PIK3R5: variants seen among roughly 807,000 people sequenced by gnomAD.
The protein encoded by PIK3R5 is phosphoinositide 3-kinase regulatory subunit 5.
A neutral mutation model predicts 94.9 loss-of-function variants in PIK3R5; 32 were observed. The ratio of observed to expected loss-of-function variants is 0.34; its 90% CI spans 0.25 to 0.45. The LOEUF (loss-of-function observed/expected upper bound fraction) is 0.45, where lower values mean the gene tolerates loss of function less well. PIK3R5 is among the 20% of genes least tolerant of loss of function. The pLI is 1.00. For missense variants in PIK3R5, 853 were observed against 1,144.6 expected, an observed-to-expected ratio of 0.75 and a Z score of 3.68; for synonymous variants, 443 against 479.4, an observed-to-expected ratio of 0.92 and a Z score of 0.99.
At chr17:8,943,862 G>A (rs1274156968) in intron 1 of PIK3R5, among the ~76,000 whole-genome samples, 1 of 149,882 alleles carries the variant, frequency 6.7e-6, no homozygotes, top group Non-Finnish European at 1.5e-5. Flanking sequence ...AACATTGTCT[G>A]CTGTACCCTA....
At chr17:8,894,297 T>C (rs955655252) in intron 5 of PIK3R5, among the ~76,000 whole-genome samples, 4 of 152,216 alleles carry the variant, frequency 2.6e-5, no homozygotes, top group Non-Finnish European at 5.9e-5. Context: ...GGGCTACTCC[T>C]CGGTCCCTGC....
chr17:8,915,119 CA>C (rs141850297), intron 1 of PIK3R5, among the ~76,000 whole-genome samples: 6,002 of 152,280 alleles, frequency 0.039, 172 homozygotes, highest in Non-Finnish European at 0.055. Flanking sequence ...TCTACTTCAA[CA>C]AGTGAAGACT....
chr17:8,880,470 CCT>C lies in PIK3R5; in HGVS notation c.*167_*168del. 1 of 607,164 alleles carries C rather than the reference CCT, an allele frequency of 1.6e-6. No individual in the cohort carries two copies. The highest frequency in any genetic ancestry group is 1.8e-5 in the African/African-American group (1 of 54,114). 37.6% of individuals were successfully genotyped at this position (607,164 alleles called of 1,614,324 possible). A position where few individuals can be genotyped will look rare whatever the true frequency, so the allele number is the denominator to read the frequency against. ...CTGATAGCTGTTGCTTTCCCAGAAC[CCT>C]GAGGCCCCAGAAACCCTCTACTCCC... On this transcript the variant is annotated 3_prime_UTR_variant, in exon 19 of 19. Transcript: ENST00000447110.
chr17:8,922,246 C>T lies in PIK3R5; in HGVS notation c.-13-10739G>A, dbSNP rs562236112. Among the ~76,000 whole-genome samples the T allele has an allele frequency of 1.8e-4, 28 of 152,010 alleles. No individual in the cohort carries two copies. The East Asian group carries it at 2.5e-3, about 14-fold the overall frequency. The stretch of plus-strand genomic sequence containing the variant: ...GATCTGTGTCAGGTACTATGTTGGG[C>T]GCTTTCACTTAGTTTGATAATCATA... On this transcript the variant is annotated intron_variant, in intron 1 of 18. Transcript: ENST00000447110.
chr17:8,880,931 C>T lies in PIK3R5; in HGVS notation c.2469G>A (p.Glu823=). Residue 823 remains glutamate (E), a synonymous_variant, in exon 18 of 19, where the codon GAG becomes GAA. Coordinates refer to ENST00000447110, the MANE Select transcript of PIK3R5 (RefSeq NM_001142633.3). The part of the protein sequence containing the change: ...CPFAVCLDQD[E]RKILQSVVRC... ...TGACTACACTCTGCAGGATCTTTCT[C>T]TCATCCTGGTCCAGGCACACAGCAA... The T allele has an allele frequency of 1.2e-6, 2 of 1,614,128 alleles. No individual in the cohort carries two copies. The highest frequency in any genetic ancestry group is 8.5e-7 in the Non-Finnish European group (1 of 1,179,954).
chr17:8,941,778 T>G (rs1446502919), intron 1 of PIK3R5, among the ~76,000 whole-genome samples: 1 of 152,236 alleles, frequency 6.6e-6, no homozygotes. Context: ...GCTTGCGGCC[T>G]GTGGATATCA....
rs145440422 is a variant in PIK3R5 at position 8,889,585 on chromosome 17, C to T, written c.812-363G>A. ...GGTTCCTCAAAGTCTGTGCTCCCTT[C>T]TATGGTACTGGAGTCATAGAGACGA... is the stretch of plus-strand genomic sequence containing the variant. On this transcript the variant is annotated intron_variant, in intron 8 of 18. Transcript: ENST00000447110. The surrounding 1 kb of genome is among the most constrained non-coding windows in gnomAD (Gnocchi z 4.1). Among the ~76,000 whole-genome samples the T allele has an allele frequency of 6.6e-6, 1 of 152,300 alleles. No homozygotes were observed.
intron 3 of PIK3R5, 69 bp downstream of exon 3, chr17:8,908,998 ATGTTCTC>A: frequency 1.1e-6 from 1 of 897,338 alleles, no homozygotes; most frequent in South Asian, 1.5e-5. Flanking sequence ...CCCAGGAATG[ATGTTCTC>A]TGGGACCTAT....
At chr17:8,914,675 A>G (rs1296603744) in intron 1 of PIK3R5, among the ~76,000 whole-genome samples, 2 of 152,174 alleles carry the variant, frequency 1.3e-5, no homozygotes, top group African/African-American at 2.4e-5. Flanking sequence ...CTATCTACTC[A>G]GCCGGCAAAC....
chr17:8,952,496 A>G (rs2091393402), intron 1 of PIK3R5, among the ~76,000 whole-genome samples: 1 of 152,200 alleles, frequency 6.6e-6, no homozygotes, highest in Non-Finnish European at 1.5e-5. Context: ...GGTTTTCTAC[A>G]TGGAGTCCCC....
Position 8,945,979 on chromosome 17 carries a change from T to C in PIK3R5, c.-14+19617A>G, listed in dbSNP as rs2091264017. On this transcript the variant is annotated intron_variant, in intron 1 of 18. Transcript: ENST00000447110. The surrounding 1 kb of genome is among the most constrained non-coding windows in gnomAD (Gnocchi z 4.0). ...CCAAACCACATGGAGAGGCCCCTTG[T>C]AGGCATTCTCATTTACAGTTTCAGT... 6.6e-6 allele frequency among the ~76,000 whole-genome samples: 1 copy of C among 152,164 alleles called. No individual in the cohort carries two copies. Among genetic ancestry groups the C allele is most frequent in the South Asian group, 2.1e-4 (1 of 4,828 alleles).
chr17:8,949,896 T>A (rs1190192952), intron 1 of PIK3R5, among the ~76,000 whole-genome samples: 1 of 152,214 alleles, frequency 6.6e-6, no homozygotes, highest in African/African-American at 2.4e-5. Context: ...CAAAAATCTA[T>A]GAAAATAAAA....
intron 1 of PIK3R5, among the ~76,000 whole-genome samples, chr17:8,943,809 C>A (rs2091228037): frequency 6.6e-6 from 1 of 151,890 alleles, no homozygotes; most frequent in Non-Finnish European, 1.5e-5. Flanking sequence ...CATTCTCCAA[C>A]CTTCCAACCT....
At chr17:8,891,354 C>A (rs1273201472) in intron 6 of PIK3R5, among the ~76,000 whole-genome samples, 2 of 151,990 alleles carry the variant, frequency 1.3e-5, no homozygotes, top group African/African-American at 4.8e-5. Flanking sequence ...CTGGGGCGAG[C>A]GGGACATGAA....
intron 1 of PIK3R5, among the ~76,000 whole-genome samples, chr17:8,913,656 A>G (rs1395391093): frequency 2.6e-5 from 4 of 152,114 alleles, no homozygotes; most frequent in East Asian, 1.9e-4. Context: ...AGGTTGCAGT[A>G]AGTCGAGATC....
chr17:8,927,518 A>AAAGAGACAC (rs1463358145), intron 1 of PIK3R5, among the ~76,000 whole-genome samples: 1 of 152,312 alleles, frequency 6.6e-6, no homozygotes, highest in East Asian at 1.9e-4. Context: ...ACCAGACAGT[A>AAAGAGACAC]AAGAGACACC....
At chr17:8,954,743 C>T (rs943225352) in intron 1 of PIK3R5, among the ~76,000 whole-genome samples, 3 of 152,058 alleles carry the variant, frequency 2.0e-5, no homozygotes, top group Non-Finnish European at 4.4e-5. Flanking sequence ...CAAGACCAGC[C>T]TGGCCAACAT....
chr17:8,907,127 A>G (rs958059301), intron 3 of PIK3R5, among the ~76,000 whole-genome samples: 2 of 151,918 alleles, frequency 1.3e-5, no homozygotes, highest in African/African-American at 4.8e-5. Flanking sequence ...GGGTTCAACC[A>G]ATTCTTGTGC....
At position 8,939,032 on chromosome 17, in the gene PIK3R5, G is replaced by C. The variant is rs111381058; in HGVS notation, c.-14+26564C>G. Reference sequence around the variant, plus strand: ...ACATAAGCTGGTGCCACCGCCATCAGCTACTACCCACAGTGAGTTCCTACT... The same window carrying C: ...ACATAAGCTGGTGCCACCGCCATCACCTACTACCCACAGTGAGTTCCTACT... On this transcript the variant is annotated intron_variant, in intron 1 of 18. Coordinates refer to ENST00000447110, the MANE Select transcript of PIK3R5 (RefSeq NM_001142633.3). 4.6e-3 allele frequency among the ~76,000 whole-genome samples: 696 copies of C among 152,290 alleles called. 8 individuals carry two copies. Among genetic ancestry groups the C allele is most frequent in the African/African-American group, 0.016 (660 of 41,554 alleles).
Sources: gnomAD v4.1 joint callset for allele counts (sites outside exome capture counted in the v4.1 genomes callset) on GRCh38, gnomAD v4.1.1 for gene constraint, Gnocchi (gnomAD v3.1) non-coding constraint, MANE v1.5 for transcripts, NCBI Gene and HGNC (gene_info 2026-07-23, HGNC 2026-07-21) for gene names.